Variants in GRM7 observed in about 807,000 individuals in gnomAD.
The protein encoded by GRM7 is glutamate metabotropic receptor 7.
A neutral mutation model predicts 84.5 loss-of-function variants in GRM7; 35 were observed. The ratio of observed to expected loss-of-function variants is 0.41; its 90% CI spans 0.32 to 0.55. GRM7 has a LOEUF of 0.55. GRM7 is among the 20% of genes least tolerant of loss of function. The pLI is 0.19. For missense variants in GRM7, 1,003 were observed against 1,194.6 expected, an observed-to-expected ratio of 0.84 and a Z score of 2.36; for synonymous variants, 487 against 455.1, an observed-to-expected ratio of 1.07 and a Z score of -0.89.
intron 4 of GRM7, among the ~76,000 whole-genome samples, chr3:7,369,133 C>T (rs1450124040): frequency 6.6e-6 from 1 of 152,100 alleles, no homozygotes; most frequent in Non-Finnish European, 1.5e-5. Flanking sequence ...TAGTTCACTA[C>T]AGCTTTGAAC....
At chr3:7,428,781 G>T (rs1291693669) in intron 5 of GRM7, among the ~76,000 whole-genome samples, 2 of 152,150 alleles carry the variant, frequency 1.3e-5, no homozygotes, top group African/African-American at 2.4e-5. Context: ...ATAATAATAA[G>T]AAATTCAGGT....
At chr3:7,314,058 G>T (rs1345039771) in intron 4 of GRM7, among the ~76,000 whole-genome samples, 1 of 152,062 alleles carries the variant, frequency 6.6e-6, no homozygotes, top group Non-Finnish European at 1.5e-5. Context: ...CATTTCTCAG[G>T]TCTAGGAAAT....
chr3:7,463,535 C>G (rs941409010), intron 7 of GRM7, among the ~76,000 whole-genome samples: 122 of 151,874 alleles, frequency 8.0e-4, no homozygotes, highest in Non-Finnish European at 6.5e-4. Flanking sequence ...GGTCCCTGTT[C>G]TTTCACAATT....
At chr3:7,527,235 T>C (rs2124999484) in intron 7 of GRM7, among the ~76,000 whole-genome samples, 1 of 152,162 alleles carries the variant, frequency 6.6e-6, no homozygotes, top group African/African-American at 2.4e-5. Flanking sequence ...TCTAGAGATC[T>C]TTCACCCCCT....
chr3:7,532,970 C>A (rs1006114391), intron 7 of GRM7, among the ~76,000 whole-genome samples: 1 of 151,748 alleles, frequency 6.6e-6, no homozygotes, highest in African/African-American at 2.4e-5. Flanking sequence ...TACATATGCC[C>A]CCAGTACAGG....
chr3:7,374,934 A>G (rs962424470), intron 4 of GRM7, among the ~76,000 whole-genome samples: 2 of 152,070 alleles, frequency 1.3e-5, no homozygotes, highest in African/African-American at 2.4e-5. Context: ...TGCCCTGCCT[A>G]TTTTAGGATG....
At chr3:6,958,960 A>G (rs1038811250) in intron 1 of GRM7, among the ~76,000 whole-genome samples, 1 of 152,216 alleles carries the variant, frequency 6.6e-6, no homozygotes, top group Non-Finnish European at 1.5e-5. Context: ...TATAACTCAA[A>G]ACCCATAATC....
At position 6,916,059 on chromosome 3, in the gene GRM7, G is replaced by A. The variant is rs146715763; in HGVS notation, c.519+54152G>A. Among the ~76,000 whole-genome samples, 597 of 152,292 alleles carry A rather than the reference G, an allele frequency of 3.9e-3. 5 individuals carry two copies. The highest frequency in any genetic ancestry group is 0.014 in the African/African-American group (565 of 41,564). On this transcript the variant is annotated intron_variant, in intron 1 of 9. Coordinates refer to ENST00000357716, the MANE Select transcript of GRM7 (RefSeq NM_000844.4). Reference sequence around the variant, plus strand: ...ACAAGGCACTATCTTTGTTGATGTTGCAGCCAACCAAAATCATTGATCTGG... The same window carrying A: ...ACAAGGCACTATCTTTGTTGATGTTACAGCCAACCAAAATCATTGATCTGG...
At chr3:7,690,864 A>G (rs1253263705) in intron 9 of GRM7, among the ~76,000 whole-genome samples, 2 of 152,204 alleles carry the variant, frequency 1.3e-5, no homozygotes, top group African/African-American at 2.4e-5. Flanking sequence ...TGTCTTTATC[A>G]TGATACCAAA....
At position 7,480,228 on chromosome 3, in the gene GRM7, C is replaced by T. The variant is rs937627706; in HGVS notation, c.1515+18506C>T. 9.8e-4 allele frequency among the ~76,000 whole-genome samples: 149 copies of T among 152,176 alleles called. 1 individual carries two copies. The highest frequency in any genetic ancestry group is 2.1e-4 in the Non-Finnish European group (14 of 68,032). On this transcript the variant is annotated intron_variant, in intron 7 of 9. Coordinates refer to ENST00000357716, the MANE Select transcript of GRM7 (RefSeq NM_000844.4). ...ACTAAGCATGCACAACTCCGCTAGG[C>T]CCCTCAAGATAGAAGAGTTGGGGAC...
intron 4 of GRM7, among the ~76,000 whole-genome samples, chr3:7,337,887 C>G (rs557526544): frequency 2.6e-4 from 40 of 151,960 alleles, no homozygotes; most frequent in Non-Finnish European, 5.4e-4. Context: ...CCATTTGATC[C>G]AGCAATCCCA....
chr3:6,881,514 C>A (rs1695505592), intron 1 of GRM7, among the ~76,000 whole-genome samples: 1 of 152,008 alleles, frequency 6.6e-6, no homozygotes, highest in South Asian at 2.1e-4. Context: ...TTTATATGTA[C>A]CACATTTTCT....
intron 1 of GRM7, among the ~76,000 whole-genome samples, chr3:6,870,727 A>G (rs913029250): frequency 6.6e-6 from 1 of 152,140 alleles, no homozygotes; most frequent in African/African-American, 2.4e-5. Flanking sequence ...GAAGGTTGAA[A>G]CAGGATTTCC....
chr3:7,252,142 G>A (rs758520892), intron 2 of GRM7, among the ~76,000 whole-genome samples: 1 of 152,082 alleles, frequency 6.6e-6, no homozygotes, highest in Non-Finnish European at 1.5e-5. Flanking sequence ...TAGCGAAAGA[G>A]GGAGGAGAAG....
intron 2 of GRM7, among the ~76,000 whole-genome samples, chr3:7,190,862 T>G (rs924584703): frequency 1.3e-5 from 2 of 152,070 alleles, no homozygotes; most frequent in African/African-American, 4.8e-5. Context: ...AGGCATCAGA[T>G]AAAAGCTGTC....
chr3:7,132,542 G>C (rs1420836096), intron 1 of GRM7, among the ~76,000 whole-genome samples: 1 of 151,976 alleles, frequency 6.6e-6, no homozygotes, highest in African/African-American at 2.4e-5. Flanking sequence ...TTTGGTAGTA[G>C]GAAACGCTAA....
intron 1 of GRM7, among the ~76,000 whole-genome samples, chr3:6,950,610 G>T (rs1692710769): frequency 6.6e-6 from 1 of 152,248 alleles, no homozygotes; most frequent in Non-Finnish European, 1.5e-5. Flanking sequence ...TAAGTCTGCA[G>T]AGGTTATTGC....
At chr3:7,371,722 G>A (rs1454303551) in intron 4 of GRM7, among the ~76,000 whole-genome samples, 2 of 152,166 alleles carry the variant, frequency 1.3e-5, no homozygotes, top group East Asian at 3.9e-4. Flanking sequence ...GCATTAAGTA[G>A]TAGAGCTGGG....
At chr3:7,514,759 G>A (rs1442047427) in intron 7 of GRM7, among the ~76,000 whole-genome samples, 1 of 152,166 alleles carries the variant, frequency 6.6e-6, no homozygotes, top group Non-Finnish European at 1.5e-5. Context: ...AATCCACTGT[G>A]AGGCTGACCT....
Sources: gnomAD v4.1 joint callset for allele counts (sites outside exome capture counted in the v4.1 genomes callset) on GRCh38, gnomAD v4.1.1 for gene constraint, MANE v1.5 for transcripts, NCBI Gene and HGNC (gene_info 2026-07-23, HGNC 2026-07-21) for gene names.